The following NUP188 variants were observed in gnomAD, a reference collection of about 807,000 sequenced individuals.
NUP188 encodes nucleoporin NUP188.
NUP188 carries 97 observed loss-of-function variants against 223.0 expected under a neutral mutation model. The observed-to-expected ratio is 0.43, with a 90% confidence interval of 0.37 to 0.51. NUP188 has a LOEUF of 0.51. Among genes scored for constraint, NUP188 ranks in the 20% least tolerant of loss-of-function variants. The pLI is 0.00. For synonymous variants in NUP188, 869 were observed against 828.0 expected, an observed-to-expected ratio of 1.05 and a Z score of -0.85; for missense variants, 1,947 against 2,175.6, an observed-to-expected ratio of 0.89 and a Z score of 2.09.
intron 34 of NUP188, among the ~76,000 whole-genome samples, chr9:129,000,296 C>G (rs1214777463): frequency 1.3e-5 from 2 of 151,988 alleles, no homozygotes; most frequent in Non-Finnish European, 2.9e-5. Context: ...ATTGTGGGAT[C>G]ATGACCTATT....
intron 8 of NUP188, among the ~76,000 whole-genome samples, chr9:128,961,556 CTA>C (rs1197243370): frequency 6.7e-6 from 1 of 148,288 alleles, no homozygotes; most frequent in Non-Finnish European, 1.5e-5. Context: ...GAAAGACACA[CTA>C]TATATATCTA....
intron 24 of NUP188, among the ~76,000 whole-genome samples, chr9:128,988,802 C>T (rs1842375938): frequency 7.6e-6 from 1 of 131,726 alleles, no homozygotes; most frequent in Non-Finnish European, 1.5e-5. Flanking sequence ...TCTCGGCTTA[C>T]TGCAGCATCT....
intron 12 of NUP188, among the ~76,000 whole-genome samples, chr9:128,974,268 C>T (rs1436552769): frequency 6.6e-6 from 1 of 152,020 alleles, no homozygotes; most frequent in Admixed American, 6.6e-5. Context: ...GTCTCAAACT[C>T]CAGGACTTCT....
Position 128,986,646 on chromosome 9 carries a change from G to A in NUP188, c.2165G>A (p.Arg722His), listed in dbSNP as rs376408405. 2 of 1,614,042 alleles carry A rather than the reference G, an allele frequency of 1.2e-6. No individual in the cohort carries two copies. The highest frequency in any genetic ancestry group is 1.3e-5 in the African/African-American group (1 of 74,906). The change falls in exon 21 of 44, where the codon CGC (arginine) becomes CAC (histidine). Residue 722 changes from arginine (R) to histidine (H), a missense_variant. Physicochemically the swap from Arg to His is conservative, Grantham distance 29. Transcript: ENST00000372577. ...ATGCTTCCCAGCTACCATAAGTGGC[G>A]CTACAACTCTCATGGAGTGAGGGAA... Reference protein sequence around the residue: ...KEMLPSYHKWRYNSHGVREQI... With the variant: ...KEMLPSYHKWHYNSHGVREQI...
intron 14 of NUP188, among the ~76,000 whole-genome samples, 161 bp downstream of exon 14, chr9:128,980,886 T>C (rs1842244938): frequency 6.6e-6 from 1 of 152,150 alleles, no homozygotes; most frequent in Admixed American, 6.6e-5. Flanking sequence ...TTCTAAAAAA[T>C]TAAATAATCT....
rs146967415 is a variant in NUP188 at position 128,954,905 on chromosome 9, G to A, written c.162-1445G>A. Among the ~76,000 whole-genome samples, 505 of 150,368 alleles carry A rather than the reference G, an allele frequency of 3.4e-3. 4 individuals are homozygous for A. Among genetic ancestry groups the A allele is most frequent in the African/African-American group, 0.012 (485 of 40,794 alleles). On this transcript the variant is annotated intron_variant, in intron 3 of 43. Transcript: ENST00000372577. ...TTTCGCTCTTGTTGCCCATGCTCGC[G>A]TGCAATGGTGCGATTTCAGCTCACT...
chr9:128,951,791 A>ATT (rs781580322), intron 2 of NUP188, among the ~76,000 whole-genome samples: 8 of 138,280 alleles, frequency 5.8e-5, no homozygotes, highest in Non-Finnish European at 9.4e-5. Context: ...CTGGAATCTG[A>ATT]TTTTTTTTTT....
rs890778901 is a variant in NUP188, at chr9:128,995,114, T to C, written c.3155+191T>C. The C allele has an allele frequency of 3.3e-5, 21 of 636,782 alleles. 2 individuals are homozygous for C. The South Asian group carries it at 3.9e-4, about 12-fold the overall frequency. The allele number at this position is 636,782 out of a possible 1,614,324, so 39.4% of individuals were successfully genotyped here. On this transcript the variant is annotated intron_variant, in intron 29 of 43. Transcript: ENST00000372577. ...ATTTATGATTGTCAGAAAGAGTTAT[T>C]GTGAAGCAAACTCCATGCAACTGGG...
Position 128,947,719 on chromosome 9 carries a change from G to T in NUP188, c.-1G>T. Reference sequence around the variant, plus strand: ...GGGTTAGGGCGAGCGGGCGCGCGAAGATGGCGGCGGCCGCCGGCGGGCCGT... The same window carrying T: ...GGGTTAGGGCGAGCGGGCGCGCGAATATGGCGGCGGCCGCCGGCGGGCCGT... On this transcript the variant is annotated 5_prime_UTR_variant, in exon 1 of 44. Transcript: ENST00000372577. 1 of 1,473,350 alleles carries T rather than the reference G, an allele frequency of 6.8e-7. No individual in the cohort carries two copies. The highest frequency in any genetic ancestry group is 9.0e-7 in the Non-Finnish European group (1 of 1,114,992). 91.3% of individuals were successfully genotyped at this position (1,473,350 alleles called of 1,614,324 possible).
In NUP188 at chr9:128,947,712, G is replaced by T. The variant is rs1841704441; in HGVS notation, c.-8G>T. 2 of 1,470,420 alleles carry T rather than the reference G, an allele frequency of 1.4e-6. No homozygotes were observed. Among genetic ancestry groups the T allele is most frequent in the Admixed American group, 2.4e-5 (1 of 41,116 alleles). 91.1% of individuals were successfully genotyped at this position (1,470,420 alleles called of 1,614,324 possible). On this transcript the variant is annotated 5_prime_UTR_variant, in exon 1 of 44. Transcript: ENST00000372577. ...GGGGGCGGGGTTAGGGCGAGCGGGC[G>T]CGCGAAGATGGCGGCGGCCGCCGGC...
chr9:128,969,327 TTA>T, intron 9 of NUP188, 71 bp from the exon 10 acceptor site: 2 of 937,562 alleles, frequency 2.1e-6, no homozygotes, highest in Non-Finnish European at 3.4e-6. Flanking sequence ...TCGCAGTGTC[TTA>T]TATCTCACCT....
At chr9:128,981,952 C>CT (rs778175464) in intron 15 of NUP188, among the ~76,000 whole-genome samples, 10 of 151,882 alleles carry the variant, frequency 6.6e-5, no homozygotes, top group Non-Finnish European at 1.5e-4. Context: ...TGGTGCATGC[C>CT]TGTAATCCCA....
chr9:128,985,035 C>A, intron 20 of NUP188, 21 bp downstream of exon 20: 3 of 1,548,736 alleles, frequency 1.9e-6, no homozygotes, highest in Non-Finnish European at 2.7e-6. Flanking sequence ...ATTTTGTTCA[C>A]AAAGGGCAGA....
intron 8 of NUP188, chr9:128,964,357 CT>C (rs1431087028): frequency 3.6e-6 from 1 of 279,284 alleles, no homozygotes; most frequent in Non-Finnish European, 7.1e-6. Context: ...CTTTTCCCAC[CT>C]TAATTCTTTT....
rs757132310 is a variant in NUP188 at position 128,983,345 on chromosome 9, T to A, written c.1849T>A (p.Cys617Ser). The change falls in exon 18 of 44, where the codon TGC (cysteine) becomes AGC (serine). Residue 617 changes from cysteine to serine, a missense_variant. This residue lies in a region of NUP188 where 817 missense variants were observed against 865.8 expected (regional missense o/e 0.94). Coordinates refer to ENST00000372577, the MANE Select transcript of NUP188 (RefSeq NM_015354.3). ...GGATGTCATTGCTTCTTGTGTCAAC[T>A]GCTTAACTGTTTTGGCTGCCCGCAA... ...PVDVIASCVNCLTVLAARNPA... is the reference protein window; with the variant it reads ...PVDVIASCVNSLTVLAARNPA... The A allele has an allele frequency of 5.0e-5, 81 of 1,614,216 alleles. No homozygotes were observed. The East Asian group carries it at 1.7e-3, about 33-fold the overall frequency.
chr9:128,965,943 G>A (rs1279834633), intron 8 of NUP188, among the ~76,000 whole-genome samples: 3 of 150,848 alleles, frequency 2.0e-5, no homozygotes, highest in African/African-American at 7.3e-5. Flanking sequence ...GATTACAGGC[G>A]CCCACCACCA....
chr9:128,990,166 C>T lies in NUP188; in HGVS notation c.2580C>T (p.Tyr860=), dbSNP rs146316337. The T allele has an allele frequency of 4.7e-4, 755 of 1,614,186 alleles. 12 individuals are homozygous for T. The Admixed American group carries it at 0.012, about 25-fold the overall frequency. The part of the protein sequence containing the change: ...NLIAVLAKYI[Y]HKHDPALPRL... ...TTGCTGTTCTAGCCAAATACATCTA[C>T]CACAAACATGACCCTGCTTTGCCAC... The change falls in exon 25 of 44, where the codon TAC becomes TAT. Residue 860 remains tyrosine (Y), a synonymous_variant. Coordinates refer to ENST00000372577, the MANE Select transcript of NUP188 (RefSeq NM_015354.3).
chr9:128,987,306 T>C (rs1190432821), intron 22 of NUP188, among the ~76,000 whole-genome samples: 2 of 152,138 alleles, frequency 1.3e-5, no homozygotes, highest in African/African-American at 4.8e-5. Flanking sequence ...TGCTTATAGA[T>C]GTCTTATTTT....
chr9:128,959,359 C>G (rs1380501727), intron 8 of NUP188, among the ~76,000 whole-genome samples: 1 of 151,792 alleles, frequency 6.6e-6, no homozygotes, highest in East Asian at 1.9e-4. Context: ...CCAGGCTGGT[C>G]TCGAACTCCT....
Sources: gnomAD v4.1 joint callset for allele counts (sites outside exome capture counted in the v4.1 genomes callset) on GRCh38, gnomAD v4.1.1 for gene constraint, gnomAD v4.1.1 regional missense constraint, MANE v1.5 for transcripts, NCBI Gene and HGNC (gene_info 2026-07-23, HGNC 2026-07-21) for gene names.